The following RBFOX1 variants were observed in gnomAD, a reference collection of about 807,000 sequenced individuals.
RBFOX1 encodes RNA binding fox-1 homolog 1.
In RBFOX1, 8 loss-of-function variants were observed where a neutral mutation model predicts 57.7. That is an observed-to-expected ratio of 0.14 (90% CI 0.08 to 0.25). RBFOX1 has a LOEUF of 0.25. Ranked by LOEUF, RBFOX1 falls within the 10% of genes least tolerant of loss-of-function variation. The pLI, the probability that RBFOX1 is intolerant of heterozygous loss-of-function variation, is 1.00. For missense variants in RBFOX1, 611 were observed against 548.5 expected, an observed-to-expected ratio of 1.11 and a Z score of -1.14; for synonymous variants, 326 against 222.4, an observed-to-expected ratio of 1.47 and a Z score of -4.15.
intron 4 of RBFOX1, among the ~76,000 whole-genome samples, chr16:7,096,282 G>T (rs568461774): frequency 3.9e-5 from 6 of 152,158 alleles, no homozygotes. Context: ...TGTAGGCTGA[G>T]ATATCTGAGA....
chr16:6,809,064 C>G (rs1250255693), intron 3 of RBFOX1, among the ~76,000 whole-genome samples: 1 of 152,150 alleles, frequency 6.6e-6, no homozygotes, highest in Non-Finnish European at 1.5e-5. Context: ...ATCCCAGCCG[C>G]CATACTTCAA....
chr16:5,810,840 G>A (rs1387045536), intron 3 of RBFOX1, among the ~76,000 whole-genome samples: 1 of 152,068 alleles, frequency 6.6e-6, no homozygotes, highest in Non-Finnish European at 1.5e-5. Context: ...GCCTCAACTG[G>A]GAATGTTCTC....
At chr16:7,352,982 C>T (rs991923676) in intron 4 of RBFOX1, among the ~76,000 whole-genome samples, 2 of 152,228 alleles carry the variant, frequency 1.3e-5, no homozygotes, top group Admixed American at 6.5e-5. Context: ...TCCCAAAGTG[C>T]TGAGACTGCA....
intron 2 of RBFOX1, among the ~76,000 whole-genome samples, chr16:6,563,663 G>A (rs1026470865): frequency 1.3e-5 from 2 of 151,982 alleles, no homozygotes; most frequent in Admixed American, 6.6e-5. Context: ...CAGCAACGTG[G>A]CAAAAGCTCA....
intron 3 of RBFOX1, among the ~76,000 whole-genome samples, chr16:6,710,212 G>C (rs1978291): frequency 0.9 from 137,398 of 152,158 alleles, 62,366 homozygotes; most frequent in Middle Eastern, 0.96. Flanking sequence ...TGAAATGTTT[G>C]TCACTTATTT....
chr16:5,241,371 C>T (rs1002081010), intron 1 of RBFOX1, among the ~76,000 whole-genome samples: 1 of 149,744 alleles, frequency 6.7e-6, no homozygotes, highest in African/African-American at 2.6e-5. Context: ...GACACAATTA[C>T]GGTGGCAGTG....
chr16:7,262,739 C>T (rs531023458), intron 4 of RBFOX1, among the ~76,000 whole-genome samples: 76 of 152,358 alleles, frequency 5.0e-4, no homozygotes, highest in African/African-American at 1.5e-3. Context: ...GCATCATGCC[C>T]GGCATGCATG....
At chr16:6,707,318 C>A (rs564194530) in intron 3 of RBFOX1, among the ~76,000 whole-genome samples, 18 of 152,232 alleles carry the variant, frequency 1.2e-4, no homozygotes, top group African/African-American at 4.3e-4. Flanking sequence ...TTCCTCTCCT[C>A]CTCTAGGTAA....
At chr16:5,294,124 G>C (rs1045465613) in intron 1 of RBFOX1, among the ~76,000 whole-genome samples, 28 of 152,202 alleles carry the variant, frequency 1.8e-4, no homozygotes, top group African/African-American at 6.8e-4. Flanking sequence ...AGCTACTCGG[G>C]AGGCTGAGGT....
At chr16:7,485,815 G>A (rs2065218260) in intron 4 of RBFOX1, among the ~76,000 whole-genome samples, 2 of 152,158 alleles carry the variant, frequency 1.3e-5, no homozygotes, top group African/African-American at 4.8e-5. Flanking sequence ...AGTCCACTTG[G>A]CATTTGGTTA....
intron 2 of RBFOX1, among the ~76,000 whole-genome samples, chr16:6,579,471 T>A (rs1306998309): frequency 6.6e-6 from 1 of 152,202 alleles, no homozygotes; most frequent in Non-Finnish European, 1.5e-5. Flanking sequence ...AATTGAATCA[T>A]GGGAATGGTT....
chr16:7,144,417 C>CTTTTTTTTTTTTTTTTTTTTTT (rs1190886141), intron 4 of RBFOX1, among the ~76,000 whole-genome samples: 6 of 66,924 alleles, frequency 9.0e-5, no homozygotes, highest in East Asian at 4.7e-4. Context: ...TTTCTTTCTT[C>CTTTTTTTTTTTTTTTTTTTTTT]TTTTTTTTTT....
intron 3 of RBFOX1, among the ~76,000 whole-genome samples, chr16:6,829,338 AT>A (rs2092504166): frequency 2.6e-5 from 4 of 152,210 alleles, no homozygotes; most frequent in Admixed American, 6.5e-5. Flanking sequence ...GGAGGCAAGA[AT>A]ATGTGAGGAA....
intron 15 of RBFOX1, chr16:7,710,342 C>A: frequency 8.0e-7 from 1 of 1,256,698 alleles, no homozygotes; most frequent in Non-Finnish European, 1.0e-6. Flanking sequence ...AAAAATGAGA[C>A]AGTGAAAATC....
intron 3 of RBFOX1, among the ~76,000 whole-genome samples, chr16:6,785,304 G>A (rs6500833): frequency 0.99 from 150,638 of 152,252 alleles, 74,534 homozygotes; most frequent in East Asian, 1. Flanking sequence ...TGGGCCATAA[G>A]CCATCTCATT....
chr16:5,240,468 C>G (rs1329636122), intron 1 of RBFOX1, among the ~76,000 whole-genome samples: 1 of 152,086 alleles, frequency 6.6e-6, no homozygotes, highest in East Asian at 1.9e-4. Flanking sequence ...TTTTGTCGGT[C>G]CCACCTGGCG....
intron 3 of RBFOX1, among the ~76,000 whole-genome samples, chr16:6,749,423 G>C (rs918647963): frequency 1.3e-5 from 2 of 152,286 alleles, no homozygotes; most frequent in East Asian, 1.9e-4. Context: ...GGTTCTTGCT[G>C]TTACGGTCAC....
At chr16:6,262,202 G>A (rs919193745) in intron 1 of RBFOX1, among the ~76,000 whole-genome samples, 17 of 151,954 alleles carry the variant, frequency 1.1e-4, no homozygotes, top group South Asian at 4.1e-4. Context: ...GCTTGATTTC[G>A]GCCATCATAC....
At chr16:6,515,807 C>A (rs540669701) in intron 2 of RBFOX1, among the ~76,000 whole-genome samples, 41 of 152,230 alleles carry the variant, frequency 2.7e-4, no homozygotes, top group African/African-American at 9.9e-4. Flanking sequence ...GCTCCTTCAT[C>A]CGCCTGAAGT....
Sources: gnomAD v4.1 joint callset for allele counts (sites outside exome capture counted in the v4.1 genomes callset) on GRCh38, gnomAD v4.1.1 for gene constraint, MANE v1.5 for transcripts, NCBI Gene and HGNC (gene_info 2026-07-23, HGNC 2026-07-21) for gene names.